Variants in TMEM63C observed in about 807,000 individuals in gnomAD.
TMEM63C encodes osmosensitive cation channel TMEM63C.
Under a neutral mutation model 99.2 loss-of-function variants are expected in TMEM63C, and 32 were observed. The ratio of observed to expected loss-of-function variants is 0.32; its 90% confidence interval spans 0.24 to 0.43. The LOEUF (loss-of-function observed/expected upper bound fraction) is 0.43. TMEM63C is among the 20% of genes least tolerant of loss of function. The pLI, the probability that TMEM63C is intolerant of heterozygous loss-of-function variation, is 1.00. For synonymous variants in TMEM63C, 376 were observed against 397.9 expected (o/e 0.94, Z 0.66); for missense variants, 826 against 1,053.0 (o/e 0.78, Z 2.98).
At chr14:77,233,861 C>T (rs57108271) in intron 8 of TMEM63C, among the ~76,000 whole-genome samples, 36,445 of 152,044 alleles carry the variant, frequency 0.24, 4,771 homozygotes, top group Admixed American at 0.31. Context: ...TCCAGTCAGC[C>T]GTCATATACC....
chr14:77,239,725 A>G lies in TMEM63C; in HGVS notation c.929A>G (p.Glu310Gly). The G allele has an allele frequency of 2.5e-6, 4 of 1,612,946 alleles. No individual in the cohort carries two copies. The highest frequency in any genetic ancestry group is 3.4e-6 in the Non-Finnish European group (4 of 1,179,650). Residue 310 changes from glutamate (E) to glycine (G), a missense_variant and splice_region_variant, in exon 12 of 24, where the codon GAG becomes GGG. Glu to Gly is a moderately conservative substitution (Grantham distance 98). Coordinates refer to ENST00000298351, the MANE Select transcript of TMEM63C (RefSeq NM_020431.4). ...CFCKCWTCFK[E>G]VDAEQYYSEL... ...TGCAAGTGCTGGACCTGCTTCAAGG[A>G]GGTAACTGGCTTGAGCGTTGGGAGC...
chr14:77,216,127 GGAGA>G (rs34226160), intron 2 of TMEM63C, among the ~76,000 whole-genome samples: 9 of 148,998 alleles, frequency 6.0e-5, no homozygotes, highest in Admixed American at 1.3e-4. Flanking sequence ...AAGGAGGGAG[GGAGA>G]GAGAGAGAGA....
intron 13 of TMEM63C, among the ~76,000 whole-genome samples, chr14:77,241,600 T>G (rs867794703): frequency 5.3e-5 from 8 of 152,358 alleles, no homozygotes; most frequent in South Asian, 2.1e-4. Flanking sequence ...ACCTAGATTT[T>G]GCTCACAAAC....
intron 21 of TMEM63C, 84 bp downstream of exon 21, chr14:77,249,542 G>A (rs939397372): frequency 4.0e-6 from 6 of 1,484,388 alleles, no homozygotes; most frequent in Non-Finnish European, 5.5e-6. Flanking sequence ...TGTTAGAGGA[G>A]AAAAGCCCAG....
At chr14:77,191,545 T>C (rs1047161186) in intron 1 of TMEM63C, among the ~76,000 whole-genome samples, 19 of 112,762 alleles carry the variant, frequency 1.7e-4, no homozygotes, top group African/African-American at 6.0e-4. Flanking sequence ...TTTCTTTTTT[T>C]TTTTTTTTTT....
chr14:77,191,525 CTTTTT>C (rs1888106433), intron 1 of TMEM63C, among the ~76,000 whole-genome samples: 4 of 112,940 alleles, frequency 3.5e-5, no homozygotes, highest in African/African-American at 1.3e-4. Flanking sequence ...TCTTTCTTTT[CTTTTT>C]TCTTTTTCTT....
intron 1 of TMEM63C, among the ~76,000 whole-genome samples, chr14:77,185,075 G>C (rs2017792): frequency 0.71 from 107,542 of 152,098 alleles, 39,195 homozygotes; most frequent in East Asian, 0.9. Context: ...CTGCCTCCTT[G>C]TAGTCATTAG....
chr14:77,208,677 G>A (rs909180183), intron 1 of TMEM63C, among the ~76,000 whole-genome samples: 30 of 152,226 alleles, frequency 2.0e-4, no homozygotes, highest in Admixed American at 5.2e-4. Flanking sequence ...GGTATCAACC[G>A]TGTCCCATAT....
In TMEM63C at chr14:77,244,420, C is replaced by A; in HGVS notation, c.1413C>A (p.Val471=). The A allele has an allele frequency of 6.2e-7, 1 of 1,613,988 alleles. No individual in the cohort carries two copies. The highest frequency in any genetic ancestry group is 8.5e-7 in the Non-Finnish European group (1 of 1,179,886). ...TCACAGTGATACTGCCTCTGATTGT[C>A]TACTTCTCCGCCTTCCTCGAGGCCC... ...WGFTVILPLI[V]YFSAFLEAHW... The change falls in exon 16 of 24, where the codon GTC becomes GTA. Residue 471 remains valine (V), a synonymous_variant. Coordinates refer to ENST00000298351, the MANE Select transcript of TMEM63C (RefSeq NM_020431.4).
Position 77,257,245 on chromosome 14 carries a change from C to T in TMEM63C, c.*519C>T, listed in dbSNP as rs1361023245. 6.4e-6 allele frequency: 1 copy of T among 155,234 alleles called. No homozygotes were observed. The highest frequency in any genetic ancestry group is 1.9e-4 in the East Asian group (1 of 5,256). 9.6% of individuals were successfully genotyped at this position (155,234 alleles called of 1,614,324 possible). ...CAGGACACGGAGGACCACCTCATCA[C>T]AGGGTTCCCTGCATGGGGATCTGTA... On this transcript the variant is annotated 3_prime_UTR_variant, in exon 24 of 24. Transcript: ENST00000298351.
At chr14:77,242,296 C>T in intron 13 of TMEM63C, 51 bp from the exon 14 acceptor site, 1 of 1,597,048 alleles carries the variant, frequency 6.3e-7, no homozygotes, top group Non-Finnish European at 8.6e-7. Flanking sequence ...CTCCTAAGCC[C>T]ATCCCCCCAC....
intron 23 of TMEM63C, 83 bp downstream of exon 23, chr14:77,253,459 G>A: frequency 1.5e-6 from 2 of 1,341,958 alleles, no homozygotes; most frequent in Non-Finnish European, 2.1e-6. Context: ...GGGGATGCCA[G>A]CTTTGCTGCC....
intron 1 of TMEM63C, among the ~76,000 whole-genome samples, chr14:77,205,470 G>A (rs1389057479): frequency 6.6e-6 from 1 of 152,218 alleles, no homozygotes; most frequent in Non-Finnish European, 1.5e-5. Flanking sequence ...ATCCAGTAGA[G>A]AACTCAGGAA....
At chr14:77,209,014 C>T (rs4903559) in intron 1 of TMEM63C, among the ~76,000 whole-genome samples, 34,198 of 151,926 alleles carry the variant, frequency 0.23, 4,929 homozygotes, top group Admixed American at 0.37. Context: ...GTGACTGCAG[C>T]GGAGGGACGT....
Position 77,257,348 on chromosome 14 carries a change from C to T in TMEM63C, c.*622C>T, listed in dbSNP as rs1041710208. On this transcript the variant is annotated 3_prime_UTR_variant, in exon 24 of 24. Coordinates refer to ENST00000298351, the MANE Select transcript of TMEM63C (RefSeq NM_020431.4). ...TGAGAAGAGGTAACTCAGCCCCTTC[C>T]TGCTCCTCTGCCCTCATCAGATGTC... 1 of 152,728 alleles carries T rather than the reference C, an allele frequency of 6.5e-6. No individual in the cohort carries two copies. Among genetic ancestry groups the T allele is most frequent in the Non-Finnish European group, 1.5e-5 (1 of 68,468 alleles). 9.5% of individuals were successfully genotyped at this position (152,728 alleles called of 1,614,324 possible).
chr14:77,227,255 C>A (rs559555567), intron 6 of TMEM63C, among the ~76,000 whole-genome samples: 2 of 152,054 alleles, frequency 1.3e-5, no homozygotes, highest in African/African-American at 4.8e-5. Flanking sequence ...TTCCAATGGT[C>A]GAGGTGGGAG....
intron 23 of TMEM63C, among the ~76,000 whole-genome samples, chr14:77,255,494 G>A (rs1326194730): frequency 1.3e-5 from 2 of 152,196 alleles, no homozygotes; most frequent in Non-Finnish European, 2.9e-5. Context: ...ATGACTTGGA[G>A]AGACCAAGCC....
chr14:77,236,963 C>G (rs1889072744), intron 9 of TMEM63C, among the ~76,000 whole-genome samples: 1 of 123,042 alleles, frequency 8.1e-6, no homozygotes, highest in African/African-American at 3.3e-5. Flanking sequence ...CTCCACGCTG[C>G]TCCACCCTCT....
intron 1 of TMEM63C, among the ~76,000 whole-genome samples, chr14:77,200,450 T>A (rs995687581): frequency 3.9e-5 from 6 of 152,126 alleles, no homozygotes; most frequent in African/African-American, 1.4e-4. Flanking sequence ...GATTCTCAGG[T>A]CCCTCATGCC....
Sources: gnomAD v4.1 joint callset for allele counts (sites outside exome capture counted in the v4.1 genomes callset) on GRCh38, gnomAD v4.1.1 for gene constraint, MANE v1.5 for transcripts, NCBI Gene and HGNC (gene_info 2026-07-23, HGNC 2026-07-21) for gene names.